Variants in NCEH1 observed in about 807,000 individuals in gnomAD.
The protein encoded by NCEH1 is neutral cholesterol ester hydrolase 1, also known as 2-acetyl MAGE hydrolase.
In NCEH1, 9 loss-of-function variants were observed where a neutral mutation model predicts 25.4. That is an observed-to-expected ratio of 0.35 (90% CI 0.21 to 0.62). The LOEUF (loss-of-function observed/expected upper bound fraction) is 0.62. Ranked by LOEUF, NCEH1 falls within the 20% of genes least tolerant of loss-of-function variation. The probability of loss-of-function intolerance (pLI) is 0.72; values close to 1 mark genes in which losing one functional copy is unlikely to be tolerated. For missense variants in NCEH1, 412 were observed against 501.1 expected (o/e 0.82, Z 1.70); for synonymous variants, 200 against 199.8 (o/e 1.00, Z -0.01).
chr3:172,665,387 G>A (rs1240425582), intron 1 of NCEH1, among the ~76,000 whole-genome samples: 1 of 152,194 alleles, frequency 6.6e-6, no homozygotes, highest in East Asian at 1.9e-4. Flanking sequence ...TGTATGAGGT[G>A]TCAGTTGGCC....
intron 1 of NCEH1, among the ~76,000 whole-genome samples, chr3:172,692,236 A>T (rs1290795083): frequency 6.6e-6 from 1 of 152,252 alleles, no homozygotes; most frequent in Non-Finnish European, 1.5e-5. Context: ...TATTAAAGAC[A>T]AAAAGCTACT....
At chr3:172,695,366 GAC>G (rs1329825958) in intron 1 of NCEH1, among the ~76,000 whole-genome samples, 2 of 152,138 alleles carry the variant, frequency 1.3e-5, no homozygotes, top group African/African-American at 4.8e-5. Flanking sequence ...CTTCACAGTT[GAC>G]ACAAAATTCT....
chr3:172,633,345 G>T lies in NCEH1; in HGVS notation c.*130C>A. Reference sequence around the variant, plus strand: ...GGTTATCATAAAGACTTCAGTTATGGAATAGAAATTCCATAACTCGCAAGT... The same window carrying T: ...GGTTATCATAAAGACTTCAGTTATGTAATAGAAATTCCATAACTCGCAAGT... On this transcript the variant is annotated 3_prime_UTR_variant, in exon 5 of 5. Coordinates refer to ENST00000475381, the MANE Select transcript of NCEH1 (RefSeq NM_020792.6). 2.3e-6 allele frequency: 2 copies of T among 875,138 alleles called. No homozygotes were observed. The highest frequency in any genetic ancestry group is 3.6e-6 in the Non-Finnish European group (2 of 562,758). The allele number at this position is 875,138 out of a possible 1,614,324, so 54.2% of individuals were successfully genotyped here.
At chr3:172,696,191 A>G (rs974801895) in intron 1 of NCEH1, among the ~76,000 whole-genome samples, 2 of 152,170 alleles carry the variant, frequency 1.3e-5, no homozygotes, top group Non-Finnish European at 2.9e-5. Context: ...ATGTTCACAG[A>G]TAAGAAACTA....
At chr3:172,689,911 T>TTA (rs1268214146) in intron 1 of NCEH1, among the ~76,000 whole-genome samples, 35 of 146,068 alleles carry the variant, frequency 2.4e-4, no homozygotes, top group South Asian at 8.4e-4. Context: ...ATTTATTTAT[T>TTA]TTTTTTTTTT....
At chr3:172,652,898 TTTCACTA>T (rs1419111979) in intron 1 of NCEH1, among the ~76,000 whole-genome samples, 6 of 151,736 alleles carry the variant, frequency 4.0e-5, no homozygotes, top group African/African-American at 1.5e-4. Context: ...AGATACAGGG[TTTCACTA>T]TGTTGCCCAG....
chr3:172,642,620 A>G lies in NCEH1; in HGVS notation c.437+3003T>C, dbSNP rs553307260. On this transcript the variant is annotated intron_variant, in intron 3 of 4. Coordinates refer to ENST00000475381, the MANE Select transcript of NCEH1 (RefSeq NM_020792.6). Reference sequence around the variant, plus strand: ...TATTTCTACAAAAAAAAAAAAAAAAAAAAAGAAAAAGAAAAAAAAGTACTG... The same window carrying G: ...TATTTCTACAAAAAAAAAAAAAAAAGAAAAGAAAAAGAAAAAAAAGTACTG... 1.3e-3 allele frequency among the ~76,000 whole-genome samples: 193 copies of G among 149,692 alleles called. 1 individual carries two copies. Among genetic ancestry groups the G allele is most frequent in the South Asian group, 6.6e-3 (32 of 4,818 alleles).
At chr3:172,686,598 C>T (rs1226091101) in intron 1 of NCEH1, among the ~76,000 whole-genome samples, 4 of 152,186 alleles carry the variant, frequency 2.6e-5, no homozygotes, top group African/African-American at 9.7e-5. Flanking sequence ...TCCCAATGAT[C>T]TAAGAGGTTC....
chr3:172,709,467 TAAAG>T (rs1172375919), intron 1 of NCEH1, among the ~76,000 whole-genome samples: 1 of 152,094 alleles, frequency 6.6e-6, no homozygotes, highest in East Asian at 1.9e-4. Flanking sequence ...ACACCAGTGC[TAAAG>T]AAGGGGATGA....
rs58528838 is a variant in NCEH1 at position 172,671,528 on chromosome 3, C to CAT, written c.139-23416_139-23415dup. Among the ~76,000 whole-genome samples the CAT allele has an allele frequency of 5.1e-4, 70 of 137,114 alleles. 1 individual carries two copies. Among genetic ancestry groups the CAT allele is most frequent in the Admixed American group, 3.6e-3 (48 of 13,318 alleles). 90.0% of individuals were successfully genotyped at this position (137,114 alleles called of 152,430 possible). ...ACATACACACACACACACACACACA[C>CAT]ATATATAGATATATATACAAATATA... On this transcript the variant is annotated intron_variant, in intron 1 of 4. Transcript: ENST00000475381.
chr3:172,651,563 C>CTT (rs35448757), intron 1 of NCEH1, among the ~76,000 whole-genome samples: 1 of 144,300 alleles, frequency 6.9e-6, no homozygotes, highest in Admixed American at 7.0e-5. Flanking sequence ...TTTGGAGAAT[C>CTT]TTTTTTTTTT....
intron 1 of NCEH1, among the ~76,000 whole-genome samples, chr3:172,686,004 C>G (rs138714487): frequency 9.5e-4 from 144 of 152,352 alleles, no homozygotes; most frequent in African/African-American, 3.0e-3. Context: ...CTGTGATTCA[C>G]TCAGCTCAGG....
intron 1 of NCEH1, among the ~76,000 whole-genome samples, chr3:172,700,781 G>C (rs73042886): frequency 1.0e-3 from 156 of 152,146 alleles, no homozygotes; most frequent in African/African-American, 3.6e-3. Flanking sequence ...CTGATCATAC[G>C]ATCTTGATGG....
At chr3:172,680,537 C>T (rs773721937) in intron 1 of NCEH1, among the ~76,000 whole-genome samples, 41 of 152,160 alleles carry the variant, frequency 2.7e-4, no homozygotes, top group Admixed American at 1.3e-4. Context: ...TATCCAGGCA[C>T]CCAGGATGGT....
rs1716474039 is a variant in NCEH1 at position 172,633,726 on chromosome 3, G to T, written c.976C>A (p.Pro326Thr). The stretch of plus-strand genomic sequence containing the variant: ...AGCACTGCCTGGTCTGCAATGAGTG[G>T]GGCGGAGCGGGCATCCAGCAACTGA... The part of the protein sequence containing the change: ...LPQLLDARSA[P>T]LIADQAVLQL... Residue 326 changes from proline to threonine, a missense_variant, in exon 5 of 5, where the codon CCA (proline) becomes ACA (threonine). Transcript: ENST00000475381. The T allele has an allele frequency of 1.2e-6, 2 of 1,614,200 alleles. No individual in the cohort carries two copies. The highest frequency in any genetic ancestry group is 1.7e-6 in the Non-Finnish European group (2 of 1,180,034).
At position 172,688,850 on chromosome 3, in the gene NCEH1, C is replaced by T. The variant is rs915049177; in HGVS notation, c.138+21997G>A. Among the ~76,000 whole-genome samples, 8 of 152,166 alleles carry T rather than the reference C, an allele frequency of 5.3e-5. No individual in the cohort carries two copies. In the South Asian group the frequency reaches 6.2e-4, roughly 12 times the overall value. On this transcript the variant is annotated intron_variant, in intron 1 of 4. Coordinates refer to ENST00000475381, the MANE Select transcript of NCEH1 (RefSeq NM_020792.6). ...TAAACTCTTGGTGGTAACTTACAGA[C>T]GCTCTGGACATGCAGGATTCTACAA...
intron 3 of NCEH1, among the ~76,000 whole-genome samples, chr3:172,636,822 G>A (rs1346820496): frequency 6.6e-6 from 1 of 152,166 alleles, no homozygotes; most frequent in Non-Finnish European, 1.5e-5. Context: ...GAAAGCTCTG[G>A]TTTTGTCAAA....
chr3:172,651,423 C>T (rs1717400131), intron 1 of NCEH1, among the ~76,000 whole-genome samples: 1 of 152,038 alleles, frequency 6.6e-6, no homozygotes, highest in South Asian at 2.1e-4. Context: ...CTCCTCCTAC[C>T]ATACTGCCCA....
At chr3:172,663,607 T>C (rs931992958) in intron 1 of NCEH1, among the ~76,000 whole-genome samples, 5 of 152,206 alleles carry the variant, frequency 3.3e-5, no homozygotes, top group South Asian at 4.1e-4. Context: ...AGTCTCTTTA[T>C]AGGTCTCTAA....
Sources: allele counts gnomAD v4.1 joint callset (sites outside exome capture counted in the v4.1 genomes callset), GRCh38; gene constraint gnomAD v4.1.1; transcripts MANE v1.5; gene names NCBI Gene and HGNC (gene_info 2026-07-23, HGNC 2026-07-21).